The following PRKG1 variants were observed in gnomAD, a reference collection of about 807,000 sequenced individuals.
PRKG1 encodes the protein cGMP-dependent protein kinase 1.
Under a neutral mutation model 88.1 loss-of-function variants are expected in PRKG1, and 35 were observed. The observed-to-expected ratio is 0.40, with a 90% CI of 0.30 to 0.53. The LOEUF (loss-of-function observed/expected upper bound fraction) is 0.53. Among genes scored for constraint, PRKG1 ranks in the 20% least tolerant of loss-of-function variants. PRKG1 has a pLI of 0.59. For synonymous variants in PRKG1, 303 were observed against 292.5 expected, an observed-to-expected ratio of 1.04 and a Z score of -0.37; for missense variants, 540 against 839.8, an observed-to-expected ratio of 0.64 and a Z score of 4.41.
intron 8 of PRKG1, among the ~76,000 whole-genome samples, chr10:52,154,866 G>T (rs1458316196): frequency 6.6e-6 from 1 of 152,036 alleles, no homozygotes; most frequent in East Asian, 1.9e-4. Context: ...TCATAGCTTA[G>T]CTCCCAACTA....
chr10:51,268,356 G>A (rs1475452451), intron 2 of PRKG1, among the ~76,000 whole-genome samples: 1 of 152,142 alleles, frequency 6.6e-6, no homozygotes, highest in East Asian at 1.9e-4. Context: ...ATCCTAATAA[G>A]CCTGGGAGTG....
chr10:51,873,139 CT>C (rs1221849579), intron 4 of PRKG1, among the ~76,000 whole-genome samples: 1 of 152,096 alleles, frequency 6.6e-6, no homozygotes. Flanking sequence ...TCCAGTCCTT[CT>C]TTCTGTCTTA....
chr10:51,116,220 C>T (rs762647676), intron 1 of PRKG1, among the ~76,000 whole-genome samples: 2 of 152,166 alleles, frequency 1.3e-5, no homozygotes, highest in African/African-American at 2.4e-5. Context: ...GCATTATCCA[C>T]GGTAGACTGG....
At chr10:51,699,044 G>T in intron 3 of PRKG1, 1 of 1,614,226 alleles carries the variant, frequency 6.2e-7, no homozygotes, top group Non-Finnish European at 8.5e-7. Context: ...CAGTGCATAA[G>T]CCAGTTGTGG....
At chr10:51,299,357 C>T (rs1172375594) in intron 2 of PRKG1, among the ~76,000 whole-genome samples, 2 of 152,072 alleles carry the variant, frequency 1.3e-5, no homozygotes, top group African/African-American at 2.4e-5. Flanking sequence ...AGGCATCCTC[C>T]ACCATGCCTG....
At chr10:51,737,756 A>G (rs1027717256) in intron 3 of PRKG1, among the ~76,000 whole-genome samples, 3 of 108,900 alleles carry the variant, frequency 2.8e-5, no homozygotes, top group Non-Finnish European at 4.1e-5. Context: ...TATTATTATT[A>G]TTATTATTAT....
intron 2 of PRKG1, among the ~76,000 whole-genome samples, chr10:51,396,723 C>T (rs1837586915): frequency 6.6e-6 from 1 of 152,148 alleles, no homozygotes; most frequent in Non-Finnish European, 1.5e-5. Flanking sequence ...AGAGTGAAAT[C>T]GATAATCTGT....
At chr10:51,731,022 G>A (rs550737348) in intron 3 of PRKG1, among the ~76,000 whole-genome samples, 1 of 152,224 alleles carries the variant, frequency 6.6e-6, no homozygotes, top group Admixed American at 6.5e-5. Flanking sequence ...CGAGTGTGGT[G>A]GTGGGTGCCT....
chr10:51,908,081 A>G (rs1842124831), intron 5 of PRKG1: 2 of 152,400 alleles, frequency 1.3e-5, no homozygotes, highest in Admixed American at 1.3e-4. Flanking sequence ...ACATTAGGCT[A>G]TCCTTTTGTA....
chr10:51,282,130 C>A (rs958977859), intron 2 of PRKG1, among the ~76,000 whole-genome samples: 3 of 151,968 alleles, frequency 2.0e-5, no homozygotes, highest in Non-Finnish European at 4.4e-5. Flanking sequence ...ACCTGACATG[C>A]TTTGACGTTG....
intron 5 of PRKG1, among the ~76,000 whole-genome samples, chr10:51,958,630 G>A (rs1273153284): frequency 2.0e-5 from 3 of 147,908 alleles, no homozygotes; most frequent in Admixed American, 2.0e-4. Context: ...AGTGTTGGAA[G>A]GGAAGAAGCC....
intron 3 of PRKG1, among the ~76,000 whole-genome samples, chr10:51,477,860 C>A (rs1233462395): frequency 6.6e-6 from 1 of 152,012 alleles, no homozygotes; most frequent in East Asian, 1.9e-4. Context: ...CTAATTTTTT[C>A]ATCACAGCCC....
At chr10:51,389,134 A>G (rs1412497274) in intron 2 of PRKG1, among the ~76,000 whole-genome samples, 3 of 152,302 alleles carry the variant, frequency 2.0e-5, no homozygotes, top group Admixed American at 2.0e-4. Flanking sequence ...GTTTGGAAAC[A>G]AGAGTTCTGA....
chr10:51,096,573 A>G (rs1844535908), intron 1 of PRKG1, among the ~76,000 whole-genome samples: 2 of 152,116 alleles, frequency 1.3e-5, no homozygotes, highest in Admixed American at 6.6e-5. Context: ...GGGTAAGAGC[A>G]TGGTCTCTGG....
At chr10:52,233,880 G>C (rs1248152166) in intron 9 of PRKG1, among the ~76,000 whole-genome samples, 3 of 152,046 alleles carry the variant, frequency 2.0e-5, no homozygotes, top group South Asian at 2.1e-4. Flanking sequence ...CAAACAAAAA[G>C]ACAGCAGTAA....
intron 5 of PRKG1, among the ~76,000 whole-genome samples, chr10:52,039,802 G>A (rs1246926723): frequency 1.3e-5 from 2 of 151,856 alleles, no homozygotes; most frequent in African/African-American, 4.8e-5. Context: ...TCACTTTCTG[G>A]GGAAAAAAAT....
intron 3 of PRKG1, among the ~76,000 whole-genome samples, chr10:51,585,079 C>A (rs557861705): frequency 6.6e-6 from 1 of 152,142 alleles, no homozygotes; most frequent in South Asian, 2.1e-4. Context: ...GACTCCTGGT[C>A]TCTTCTGTCA....
At position 52,089,804 on chromosome 10, in the gene PRKG1, C is replaced by CTTTTTTTTTT. The variant is rs397846439; in HGVS notation, c.935+27188_935+27197dup. Among the ~76,000 whole-genome samples the CTTTTTTTTTT allele has an allele frequency of 6.6e-4, 45 of 67,726 alleles. 2 individuals carry two copies. The highest frequency in any genetic ancestry group is 1.3e-3 in the East Asian group (2 of 1,564). 44.4% of individuals were successfully genotyped at this position (67,726 alleles called of 152,430 possible). Reference sequence around the variant, plus strand: ...GGCTTAGATTATTGTTTCTTTCCTTCTTTTTTTTTTTTTTTTTTTTTTTTG... The same window carrying CTTTTTTTTTT: ...GGCTTAGATTATTGTTTCTTTCCTTCTTTTTTTTTTTTTTTTTTTTTTTTTTTTTTTTTTG... On this transcript the variant is annotated intron_variant, in intron 7 of 17. Transcript: ENST00000373980.
Position 51,349,509 on chromosome 10 carries a change from C to CT in PRKG1, c.479-118198dup, listed in dbSNP as rs71029360. On this transcript the variant is annotated intron_variant, in intron 2 of 17. Transcript: ENST00000373980. ...ATGTGTGTGTGTATGTGTATGTGTC[C>CT]TTTTTTTTTTTTTTTTAGATGAAGT... Among the ~76,000 whole-genome samples, 375 of 121,682 alleles carry CT rather than the reference C, an allele frequency of 3.1e-3. 1 individual carries two copies. Among genetic ancestry groups the CT allele is most frequent in the African/African-American group, 7.9e-3 (265 of 33,358 alleles). 79.8% of individuals were successfully genotyped at this position (121,682 alleles called of 152,430 possible).
Sources: gnomAD v4.1 joint callset for allele counts (sites outside exome capture counted in the v4.1 genomes callset) on GRCh38, gnomAD v4.1.1 for gene constraint, MANE v1.5 for transcripts, NCBI Gene and HGNC (gene_info 2026-07-23, HGNC 2026-07-21) for gene names.